TMPRSS11D: variants seen among roughly 807,000 people sequenced by gnomAD.
TMPRSS11D encodes the protein transmembrane protease serine 11D.
In TMPRSS11D, 32 loss-of-function variants were observed where a neutral mutation model predicts 44.4. The observed-to-expected ratio is 0.72, with a 90% CI of 0.54 to 0.97. TMPRSS11D has a LOEUF of 0.97. TMPRSS11D is among the 50% of genes least tolerant of loss of function. TMPRSS11D has a pLI of 0.00. For missense variants in TMPRSS11D, 446 were observed against 502.6 expected (o/e 0.89, Z 1.08); for synonymous variants, 179 against 177.9 (o/e 1.01, Z -0.05).
chr4:67,825,483 C>T (rs1190675872), intron 9 of TMPRSS11D, among the ~76,000 whole-genome samples: 14 of 151,984 alleles, frequency 9.2e-5, no homozygotes, highest in African/African-American at 2.4e-4. Flanking sequence ...GAATTCAAAT[C>T]GAGGTCTTTC....
intron 1 of TMPRSS11D, among the ~76,000 whole-genome samples, chr4:67,875,286 T>C (rs756057885): frequency 1.4e-4 from 21 of 152,304 alleles, no homozygotes; most frequent in African/African-American, 5.1e-4. Flanking sequence ...GGGAAAGCTG[T>C]TGTAATCAGA....
Position 67,833,395 on chromosome 4 carries a change from G to A in TMPRSS11D, c.515-14C>T. On this transcript the variant is annotated splice_polypyrimidine_tract_variant and intron_variant, in intron 6 of 9. Coordinates refer to ENST00000283916, the MANE Select transcript of TMPRSS11D (RefSeq NM_004262.3). ...CGGCCCCACATTCTAATGAGAAAGGGCATTAATGTGCTGGGAAGATCATGA... is the reference window on the plus strand; with the variant it reads ...CGGCCCCACATTCTAATGAGAAAGGACATTAATGTGCTGGGAAGATCATGA... The A allele has an allele frequency of 6.8e-7, 1 of 1,467,644 alleles. No individual in the cohort carries two copies. The highest frequency in any genetic ancestry group is 9.0e-7 in the Non-Finnish European group (1 of 1,105,760). 90.9% of individuals were successfully genotyped at this position (1,467,644 alleles called of 1,614,324 possible).
intron 1 of TMPRSS11D, among the ~76,000 whole-genome samples, chr4:67,870,631 G>A (rs1685678285): frequency 6.6e-6 from 1 of 152,078 alleles, no homozygotes; most frequent in Admixed American, 6.5e-5. Flanking sequence ...TGGCTAACAT[G>A]GTGAAACCCA....
At position 67,840,806 on chromosome 4, in the gene TMPRSS11D, C is replaced by A. The variant is rs532879132; in HGVS notation, c.317+1752G>T. On this transcript the variant is annotated intron_variant, in intron 4 of 9. Coordinates refer to ENST00000283916, the MANE Select transcript of TMPRSS11D (RefSeq NM_004262.3). ...CAAAAATACATACAACTACTAGGTACCCCCAAAAATTAAAATAAGAAATGT... is the reference window on the plus strand; with the variant it reads ...CAAAAATACATACAACTACTAGGTAACCCCAAAAATTAAAATAAGAAATGT... 4.6e-5 allele frequency among the ~76,000 whole-genome samples: 7 copies of A among 152,070 alleles called. No homozygotes were observed. The South Asian group carries it at 1.2e-3, about 27-fold the overall frequency.
intron 3 of TMPRSS11D, among the ~76,000 whole-genome samples, chr4:67,843,818 G>A (rs1044336291): frequency 1.3e-5 from 2 of 152,208 alleles, no homozygotes; most frequent in African/African-American, 2.4e-5. Context: ...AGTTATTTGG[G>A]AGGCTGAGGC....
At chr4:67,841,721 G>T (rs548508729) in intron 4 of TMPRSS11D, among the ~76,000 whole-genome samples, 1 of 152,280 alleles carries the variant, frequency 6.6e-6, no homozygotes, top group South Asian at 2.1e-4. Context: ...TGAATTGACC[G>T]AAAGGTGTTT....
chr4:67,828,511 A>C (rs1717863485), intron 7 of TMPRSS11D, among the ~76,000 whole-genome samples: 1 of 152,144 alleles, frequency 6.6e-6, no homozygotes, highest in South Asian at 2.1e-4. Flanking sequence ...ATTAACTGTG[A>C]GAAACAATAG....
At chr4:67,842,662 T>C (rs1718261256) in intron 3 of TMPRSS11D, 37 bp from the exon 4 acceptor site, 1 of 1,560,608 alleles carries the variant, frequency 6.4e-7, no homozygotes, top group East Asian at 2.2e-5. Flanking sequence ...TCTCTGTAAA[T>C]ACAGTTCTTC....
At chr4:67,856,987 A>T (rs1013126576) in intron 2 of TMPRSS11D, among the ~76,000 whole-genome samples, 1 of 152,090 alleles carries the variant, frequency 6.6e-6, no homozygotes, top group African/African-American at 2.4e-5. Flanking sequence ...AAAATAACAG[A>T]TGCTGGTGAG....
intron 1 of TMPRSS11D, among the ~76,000 whole-genome samples, chr4:67,864,175 A>T (rs1044350560): frequency 6.6e-6 from 1 of 152,010 alleles, no homozygotes; most frequent in Non-Finnish European, 1.5e-5. Flanking sequence ...ATTCAGTATT[A>T]CCTGTTTACC....
At chr4:67,844,765 C>A (rs778020301) in intron 3 of TMPRSS11D, among the ~76,000 whole-genome samples, 12 of 151,678 alleles carry the variant, frequency 7.9e-5, no homozygotes, top group Non-Finnish European at 1.5e-4. Context: ...GACAACAGAG[C>A]AAGACTCTGT....
chr4:67,827,211 A>G lies in TMPRSS11D; in HGVS notation c.952+50T>C. On this transcript the variant is annotated intron_variant, in intron 8 of 9. Coordinates refer to ENST00000283916, the MANE Select transcript of TMPRSS11D (RefSeq NM_004262.3). ...TTCCTAATTTAAAAAATTACCTAAT[A>G]GCAAATATAAGACATTTCTATTGTT... 3 of 1,538,462 alleles carry G rather than the reference A, an allele frequency of 1.9e-6. No homozygotes were observed. In the Admixed American group the frequency reaches 6.6e-5, roughly 34 times the overall value.
chr4:67,846,816 A>C (rs971407297), intron 3 of TMPRSS11D, among the ~76,000 whole-genome samples: 2 of 152,238 alleles, frequency 1.3e-5, no homozygotes, highest in African/African-American at 4.8e-5. Flanking sequence ...CAGTAAAACA[A>C]AACAAAAGGA....
At chr4:67,826,642 C>T (rs1236198279) in intron 8 of TMPRSS11D, among the ~76,000 whole-genome samples, 1 of 151,946 alleles carries the variant, frequency 6.6e-6, no homozygotes. Context: ...TTATTAAGCC[C>T]TCATACAATG....
intron 1 of TMPRSS11D, among the ~76,000 whole-genome samples, chr4:67,876,216 G>A (rs1719188508): frequency 6.6e-6 from 1 of 152,108 alleles, no homozygotes; most frequent in Non-Finnish European, 1.5e-5. Flanking sequence ...TCACTGGGAA[G>A]TAACAAAACC....
At chr4:67,847,122 T>C (rs1021017798) in intron 3 of TMPRSS11D, among the ~76,000 whole-genome samples, 4 of 152,204 alleles carry the variant, frequency 2.6e-5, no homozygotes, top group African/African-American at 9.6e-5. Context: ...CAGGCTGGTC[T>C]TGAACTCCTG....
chr4:67,827,675 T>C (rs2109658522), intron 7 of TMPRSS11D, among the ~76,000 whole-genome samples, 155 bp from the exon 8 acceptor site: 1 of 152,278 alleles, frequency 6.6e-6, no homozygotes, highest in Non-Finnish European at 1.5e-5. Flanking sequence ...CAAGTGAGTT[T>C]AATTCTTCAC....
chr4:67,828,025 T>G (rs1717848026), intron 7 of TMPRSS11D, among the ~76,000 whole-genome samples: 1 of 151,706 alleles, frequency 6.6e-6, no homozygotes, highest in Non-Finnish European at 1.5e-5. Context: ...TGATAATGGT[T>G]GAAGATTTTG....
In TMPRSS11D at chr4:67,857,296, T is replaced by G. The variant is rs1419194183; in HGVS notation, c.130+2261A>C. Among the ~76,000 whole-genome samples, 18 of 5,226 alleles carry G rather than the reference T, an allele frequency of 3.4e-3. 2 individuals are homozygous for G. In the South Asian group the frequency reaches 0.21, roughly 62 times the overall value. The allele number at this position is 5,226 out of a possible 152,430, so 3.4% of individuals were successfully genotyped here. On this transcript the variant is annotated intron_variant, in intron 2 of 9. Transcript: ENST00000283916. ...GTATATATATATATATATATATATATATATATATATATATATATATATATA... is the reference window on the plus strand; with the variant it reads ...GTATATATATATATATATATATATAGATATATATATATATATATATATATA...
Sources: allele counts gnomAD v4.1 joint callset (sites outside exome capture counted in the v4.1 genomes callset), GRCh38; gene constraint gnomAD v4.1.1; transcripts MANE v1.5; gene names NCBI Gene and HGNC (gene_info 2026-07-23, HGNC 2026-07-21).